FER: variants seen among roughly 807,000 people sequenced by gnomAD.
FER encodes tyrosine-protein kinase Fer.
In FER, 63 loss-of-function variants were observed where a neutral mutation model predicts 111.0. That is an observed-to-expected ratio of 0.57 (90% confidence interval 0.46 to 0.70). FER has a LOEUF of 0.70. Ranked by LOEUF, FER falls within the 30% of genes least tolerant of loss-of-function variation. The pLI, the probability that FER is intolerant of heterozygous loss-of-function variation, is 0.00. For synonymous variants in FER, 327 were observed against 313.9 expected, an observed-to-expected ratio of 1.04 and a Z score of -0.44; for missense variants, 914 against 954.0, an observed-to-expected ratio of 0.96 and a Z score of 0.55.
chr5:108,833,559 T>G (rs964049901), intron 4 of FER, among the ~76,000 whole-genome samples: 1 of 151,938 alleles, frequency 6.6e-6, no homozygotes. Flanking sequence ...AATGTATAGC[T>G]AAAATAAGTG....
intron 16 of FER, among the ~76,000 whole-genome samples, chr5:109,096,976 TATATAA>T (rs1444753921): frequency 2.7e-5 from 4 of 148,068 alleles, no homozygotes; most frequent in Non-Finnish European, 6.0e-5. Context: ...ATATAATAAA[TATATAA>T]ATATAAATAT....
At chr5:109,177,851 A>C (rs996518525) in intron 17 of FER, among the ~76,000 whole-genome samples, 6 of 152,324 alleles carry the variant, frequency 3.9e-5, no homozygotes, top group Admixed American at 3.9e-4. Context: ...CCTCAGGTGA[A>C]TGACAACACC....
intron 17 of FER, among the ~76,000 whole-genome samples, chr5:109,119,427 A>C (rs1372019818): frequency 6.6e-6 from 1 of 152,182 alleles, no homozygotes; most frequent in Non-Finnish European, 1.5e-5. Context: ...CTTTACTTCC[A>C]ACTATGTGGT....
At chr5:109,068,568 T>C (rs1287736210) in intron 16 of FER, among the ~76,000 whole-genome samples, 2 of 152,226 alleles carry the variant, frequency 1.3e-5, no homozygotes, top group Admixed American at 1.3e-4. Flanking sequence ...GATGCTGTTA[T>C]ACCTGGAAGT....
chr5:108,872,016 T>C (rs1311919202), intron 7 of FER, 77 bp from the exon 8 acceptor site: 4 of 1,353,802 alleles, frequency 3.0e-6, no homozygotes, highest in Non-Finnish European at 3.0e-6. Flanking sequence ...AAACAAATAT[T>C]CTGCCTTTAG....
At position 108,828,040 on chromosome 5, in the gene FER, A is replaced by T. The variant is rs181749531; in HGVS notation, c.208-4730A>T. Among the ~76,000 whole-genome samples the T allele has an allele frequency of 3.9e-3, 588 of 149,048 alleles. 3 individuals carry two copies. The highest frequency in any genetic ancestry group is 0.013 in the African/African-American group (533 of 40,746). ...AAGCTTTTCAAATTTTTGATTAAAA[A>T]TTTTTTTTTTGTAGAGACACTGTCT... On this transcript the variant is annotated intron_variant, in intron 3 of 19. Coordinates refer to ENST00000281092, the MANE Select transcript of FER (RefSeq NM_005246.4).
intron 13 of FER, among the ~76,000 whole-genome samples, chr5:108,965,993 T>G (rs1759760087): frequency 1.3e-5 from 2 of 152,206 alleles, no homozygotes; most frequent in Non-Finnish European, 2.9e-5. Context: ...ACACCCAGAC[T>G]GATTTTTAAA....
chr5:109,127,638 C>T (rs533639294), intron 17 of FER, among the ~76,000 whole-genome samples: 1 of 152,092 alleles, frequency 6.6e-6, no homozygotes, highest in African/African-American at 2.4e-5. Context: ...ATCTCCTGAG[C>T]TCATGATCCA....
intron 3 of FER, chr5:108,820,540 A>T: frequency 1.0e-6 from 1 of 985,194 alleles, no homozygotes; most frequent in Non-Finnish European, 1.2e-6. Context: ...ATAATTTCTT[A>T]ATTTCTTTTC....
intron 13 of FER, among the ~76,000 whole-genome samples, chr5:108,977,488 G>T (rs1031475767): frequency 4.6e-5 from 7 of 152,008 alleles, no homozygotes; most frequent in Non-Finnish European, 7.4e-5. Context: ...ATGTATAAGT[G>T]AATCCACACA....
At chr5:108,849,394 C>T (rs1762327567) in intron 5 of FER, among the ~76,000 whole-genome samples, 1 of 152,054 alleles carries the variant, frequency 6.6e-6, no homozygotes, top group East Asian at 1.9e-4. Flanking sequence ...CTATGTCTAA[C>T]AGTTTAGTAA....
intron 3 of FER, among the ~76,000 whole-genome samples, chr5:108,811,363 C>T (rs577347548): frequency 2.6e-5 from 4 of 152,236 alleles, no homozygotes; most frequent in Middle Eastern, 3.4e-3. Flanking sequence ...TGGATCTCTT[C>T]GTTACTGATT....
chr5:109,027,574 AAT>A (rs780300763), intron 13 of FER, among the ~76,000 whole-genome samples: 1 of 152,150 alleles, frequency 6.6e-6, no homozygotes, highest in Non-Finnish European at 1.5e-5. Flanking sequence ...TCGAATTTCA[AAT>A]ATGTCCCTGT....
At chr5:109,050,143 AT>A (rs1182100956) in intron 16 of FER, among the ~76,000 whole-genome samples, 1 of 152,198 alleles carries the variant, frequency 6.6e-6, no homozygotes, top group Non-Finnish European at 1.5e-5. Context: ...AGCATCAGTG[AT>A]TACATTTCAG....
At chr5:108,964,310 G>A (rs918824793) in intron 13 of FER, among the ~76,000 whole-genome samples, 1 of 152,148 alleles carries the variant, frequency 6.6e-6, no homozygotes, top group African/African-American at 2.4e-5. Context: ...TATTATCAAA[G>A]AAAGCCTCCT....
At chr5:108,791,861 C>T (rs968572751) in intron 2 of FER, among the ~76,000 whole-genome samples, 4 of 152,072 alleles carry the variant, frequency 2.6e-5, no homozygotes, top group Non-Finnish European at 5.9e-5. Flanking sequence ...GTTTTGTGTG[C>T]GGTCCAAGGA....
chr5:108,836,887 C>T (rs1760723434), intron 5 of FER, among the ~76,000 whole-genome samples: 1 of 151,956 alleles, frequency 6.6e-6, no homozygotes, highest in African/African-American at 2.4e-5. Flanking sequence ...CTTCTTACCC[C>T]AACATTTACT....
chr5:109,021,185 C>G (rs1261096898), intron 13 of FER, among the ~76,000 whole-genome samples: 1 of 151,888 alleles, frequency 6.6e-6, no homozygotes, highest in Non-Finnish European at 1.5e-5. Context: ...CAGTGTTATC[C>G]TACTACCATT....
chr5:108,924,830 C>T lies in FER; in HGVS notation c.1237-21300C>T, dbSNP rs546828526. 4.1e-6 allele frequency: 5 copies of T among 1,220,048 alleles called. No individual in the cohort carries two copies. In the East Asian group the frequency reaches 9.5e-5, roughly 23 times the overall value. The allele number at this position is 1,220,048 out of a possible 1,614,324, so 75.6% of individuals were successfully genotyped here. On this transcript the variant is annotated intron_variant, in intron 10 of 19. Transcript: ENST00000281092. Reference sequence around the variant, plus strand: ...GCCACAGGCCTACTTTACCCAGGGCCCCAGACATTATCTAAGAGTCCAGCA... The same window carrying T: ...GCCACAGGCCTACTTTACCCAGGGCTCCAGACATTATCTAAGAGTCCAGCA...
Sources: allele counts gnomAD v4.1 joint callset (sites outside exome capture counted in the v4.1 genomes callset), GRCh38; gene constraint gnomAD v4.1.1; transcripts MANE v1.5; gene names NCBI Gene and HGNC (gene_info 2026-07-23, HGNC 2026-07-21).